NUP42: variants seen among roughly 807,000 people sequenced by gnomAD.
The protein encoded by NUP42 is nucleoporin 42, also known as nucleoporin NUP42.
A neutral mutation model predicts 35.9 loss-of-function variants in NUP42; 47 were observed. The ratio of observed to expected loss-of-function variants is 1.31; its 90% CI spans 1.04 to 1.67. The LOEUF (loss-of-function observed/expected upper bound fraction) is 1.67, where lower values mean the gene tolerates loss of function less well. NUP42 is among the 40% of genes most tolerant of loss of function. The probability of loss-of-function intolerance (pLI) is 0.00; values close to 1 mark genes in which losing one functional copy is unlikely to be tolerated. For missense variants in NUP42, 514 were observed against 492.2 expected, an observed-to-expected ratio of 1.04 and a Z score of -0.42; for synonymous variants, 173 against 173.3, an observed-to-expected ratio of 1.00 and a Z score of 0.01.
At chr7:23,183,754 TAAAAA>T (rs571597955) in intron 1 of NUP42, among the ~76,000 whole-genome samples, 47 of 82,068 alleles carry the variant, frequency 5.7e-4, no homozygotes, top group East Asian at 2.9e-3. Flanking sequence ...AAAAGCAATG[TAAAAA>T]AAAAAAAAAA....
At chr7:23,183,500 C>T (rs1583755462) in intron 1 of NUP42, among the ~76,000 whole-genome samples, 1 of 152,122 alleles carries the variant, frequency 6.6e-6, no homozygotes, top group African/African-American at 2.4e-5. Flanking sequence ...GGATTACAGG[C>T]GTGAGCGACC....
At chr7:23,200,090 G>A in intron 6 of NUP42, 78 bp from the exon 7 acceptor site, 1 of 1,008,176 alleles carries the variant, frequency 9.9e-7, no homozygotes, top group South Asian at 1.8e-5. Context: ...AAAAAAGATA[G>A]GGGGAGGAAA....
At chr7:23,186,736 A>G (rs1370021356) in intron 2 of NUP42, among the ~76,000 whole-genome samples, 2 of 152,196 alleles carry the variant, frequency 1.3e-5, no homozygotes, top group Admixed American at 6.5e-5. Flanking sequence ...ATCATAACCA[A>G]TGTTACATAT....
At chr7:23,196,796 G>A (rs369254767) in intron 5 of NUP42, 30 bp downstream of exon 5, 4 of 1,437,512 alleles carry the variant, frequency 2.8e-6, no homozygotes, top group East Asian at 2.3e-5. Flanking sequence ...CTTGAGGGAA[G>A]TGTCTTACCT....
At chr7:23,184,200 G>A (rs992775303) in intron 1 of NUP42, among the ~76,000 whole-genome samples, 2 of 152,162 alleles carry the variant, frequency 1.3e-5, no homozygotes, top group African/African-American at 4.8e-5. Context: ...TAAATACCAT[G>A]TATAATCTCT....
At chr7:23,187,973 T>G in intron 3 of NUP42, 1 of 761,670 alleles carries the variant, frequency 1.3e-6, no homozygotes, top group East Asian at 3.0e-5. Context: ...TAGCATTTGC[T>G]TTAGAATATT....
At chr7:23,182,642 A>G (rs1785449718) in intron 1 of NUP42, among the ~76,000 whole-genome samples, 1 of 151,492 alleles carries the variant, frequency 6.6e-6, no homozygotes, top group South Asian at 2.1e-4. Context: ...TCACGCCTGT[A>G]ATCCCAGCAC....
intron 3 of NUP42, chr7:23,188,242 T>C: frequency 8.0e-7 from 1 of 1,247,340 alleles, no homozygotes; most frequent in Non-Finnish European, 1.0e-6. Flanking sequence ...ACGCTTCTTA[T>C]TTATTCACTT....
intron 5 of NUP42, chr7:23,197,371 AG>A: frequency 1.3e-5 from 5 of 379,440 alleles, no homozygotes; most frequent in Non-Finnish European, 2.4e-5. Flanking sequence ...ACTCTGTATA[AG>A]GATATGAGAG....
chr7:23,189,060 C>T (rs1167724479), intron 3 of NUP42, among the ~76,000 whole-genome samples: 2 of 152,234 alleles, frequency 1.3e-5, no homozygotes, highest in Non-Finnish European at 2.9e-5. Flanking sequence ...AAAAGTGTGT[C>T]TGCCCCATGC....
intron 5 of NUP42, chr7:23,198,531 A>G (rs1786097145): frequency 6.6e-6 from 1 of 152,164 alleles, no homozygotes; most frequent in Non-Finnish European, 1.5e-5. Context: ...GAGGCTTCCA[A>G]ATGAAAGAAA....
chr7:23,200,146 TTG>T lies in NUP42; in HGVS notation c.695-20_695-19del, dbSNP rs1250513617. 13 of 1,416,258 alleles carry T rather than the reference TTG, an allele frequency of 9.2e-6. No homozygotes were observed. Among genetic ancestry groups the T allele is most frequent in the Admixed American group, 2.5e-5 (1 of 40,322 alleles). 87.7% of individuals were successfully genotyped at this position (1,416,258 alleles called of 1,614,324 possible). On this transcript the variant is annotated intron_variant, in intron 6 of 6. Transcript: ENST00000258742. Reference sequence around the variant, plus strand: ...CCGTAATAGATTTTTGTTGTTTTTTTTGTTGTTGTTGTTGTTTGTAGGCTTTC... The same window carrying T: ...CCGTAATAGATTTTTGTTGTTTTTTTTTGTTGTTGTTGTTTGTAGGCTTTC...
chr7:23,195,970 C>A, intron 4 of NUP42, 55 bp downstream of exon 4: 2 of 1,106,548 alleles, frequency 1.8e-6, no homozygotes, highest in Non-Finnish European at 2.7e-6. Flanking sequence ...TTAATTACTG[C>A]TTTCTTTATC....
intron 5 of NUP42, 153 bp from the exon 6 acceptor site, chr7:23,199,305 G>C: frequency 3.3e-6 from 2 of 601,704 alleles, no homozygotes; most frequent in South Asian, 3.7e-5. Flanking sequence ...ACCCTCCTCA[G>C]CCTCCCAAAG....
At chr7:23,194,685 C>CTTTTGT (rs1554296537) in intron 3 of NUP42, 6 of 155,726 alleles carry the variant, frequency 3.9e-5, no homozygotes, top group South Asian at 1.1e-4. Flanking sequence ...TTTGTTTTTG[C>CTTTTGT]TTTTGTTTTT....
At chr7:23,183,289 G>A (rs1785478121) in intron 1 of NUP42, among the ~76,000 whole-genome samples, 1 of 151,898 alleles carries the variant, frequency 6.6e-6, no homozygotes, top group African/African-American at 2.4e-5. Flanking sequence ...TCAGTCAGGC[G>A]GCTCACTGCG....
intron 3 of NUP42, chr7:23,195,623 A>C: frequency 2.4e-6 from 1 of 408,304 alleles, no homozygotes; most frequent in African/African-American, 2.1e-5. Context: ...TATCTTTAGA[A>C]AATCTTCCCC....
At chr7:23,197,564 G>C (rs993991783) in intron 5 of NUP42, among the ~76,000 whole-genome samples, 4 of 152,278 alleles carry the variant, frequency 2.6e-5, no homozygotes, top group Non-Finnish European at 4.4e-5. Context: ...GTGAGAGGTG[G>C]CCCACCATCA....
intron 5 of NUP42, chr7:23,197,202 G>A: frequency 7.7e-7 from 1 of 1,301,750 alleles, no homozygotes; most frequent in Non-Finnish European, 1.0e-6. Flanking sequence ...ATACCCACCT[G>A]TCTCCAAAGA....
Sources: gnomAD v4.1 joint callset for allele counts (sites outside exome capture counted in the v4.1 genomes callset) on GRCh38, gnomAD v4.1.1 for gene constraint, MANE v1.5 for transcripts, NCBI Gene and HGNC (gene_info 2026-07-23, HGNC 2026-07-21) for gene names.